Variants in MKLN1 observed in about 807,000 individuals in gnomAD.
The protein encoded by MKLN1 is muskelin.
MKLN1 carries 18 observed loss-of-function variants against 99.0 expected under a neutral mutation model. That is an observed-to-expected ratio of 0.18 (90% CI 0.13 to 0.27). The LOEUF is 0.27. Ranked by LOEUF, MKLN1 falls within the 10% of genes least tolerant of loss-of-function variation. The probability of loss-of-function intolerance (pLI) is 1.00; values close to 1 mark genes in which losing one functional copy is unlikely to be tolerated. For missense variants in MKLN1, 621 were observed against 875.9 expected (o/e 0.71, Z 3.67); for synonymous variants, 288 against 293.2 (o/e 0.98, Z 0.18).
In MKLN1 at chr7:131,116,774, A is replaced by G. The variant is rs966633289; in HGVS notation, c.-419+6567A>G. 6.6e-5 allele frequency among the ~76,000 whole-genome samples: 10 copies of G among 152,258 alleles called. No homozygotes were observed. In the East Asian group the frequency reaches 1.9e-3, roughly 29 times the overall value. ...AATACAATGGATCTTAAAATATGTA[A>G]TAATAAAAGGCATGTGCATCACAAC... On this transcript the variant is annotated intron_variant, in intron 1 of 7. Transcript: ENST00000416992.
At chr7:131,445,465 C>G (rs1007523685) in intron 11 of MKLN1, among the ~76,000 whole-genome samples, 8 of 152,130 alleles carry the variant, frequency 5.3e-5, no homozygotes, top group Non-Finnish European at 7.4e-5. Flanking sequence ...CTCTCACATT[C>G]TCTTTCCCTC....
rs73483203 is a variant in MKLN1 at position 131,127,217 on chromosome 7, T to C, written c.-418-15603T>C. On this transcript the variant is annotated intron_variant, in intron 1 of 7. Coordinates refer to the MKLN1 transcript ENST00000416992. ...GAATAGAAGAAAATGGAATTGTTTTTCACTTAGTTCTGCTGGTATCAACCA... is the reference window on the plus strand; with the variant it reads ...GAATAGAAGAAAATGGAATTGTTTTCCACTTAGTTCTGCTGGTATCAACCA... 2.4e-3 allele frequency among the ~76,000 whole-genome samples: 369 copies of C among 152,058 alleles called. 1 individual carries two copies. Among genetic ancestry groups the C allele is most frequent in the African/African-American group, 8.6e-3 (356 of 41,490 alleles).
chr7:131,111,272 A>T (rs1795193601), intron 1 of MKLN1, among the ~76,000 whole-genome samples: 1 of 152,238 alleles, frequency 6.6e-6, no homozygotes, highest in South Asian at 2.1e-4. Context: ...TTCCGTGGAA[A>T]TCAAACTGCT....
intron 3 of MKLN1, among the ~76,000 whole-genome samples, chr7:131,263,674 C>T (rs962748542): frequency 2.6e-5 from 4 of 151,632 alleles, no homozygotes; most frequent in East Asian, 3.9e-4. Flanking sequence ...CGGGTTCAAG[C>T]GATTCTCCTA....
chr7:131,402,838 T>G (rs757736942), intron 6 of MKLN1, among the ~76,000 whole-genome samples: 2 of 152,216 alleles, frequency 1.3e-5, no homozygotes, highest in African/African-American at 2.4e-5. Flanking sequence ...TAAACCATTC[T>G]GTACACAGAT....
intron 2 of MKLN1, among the ~76,000 whole-genome samples, chr7:131,200,218 C>G (rs987085375): frequency 6.6e-6 from 1 of 152,112 alleles, no homozygotes; most frequent in Non-Finnish European, 1.5e-5. Flanking sequence ...AAACTCCCAC[C>G]CTGAGATTCC....
chr7:131,180,599 C>T (rs910490813), intron 2 of MKLN1, among the ~76,000 whole-genome samples: 3 of 150,978 alleles, frequency 2.0e-5, no homozygotes, highest in East Asian at 1.9e-4. Flanking sequence ...CTCAGGAGAC[C>T]GAGGCAGGAG....
chr7:131,391,962 A>G (rs1794208051), intron 4 of MKLN1, among the ~76,000 whole-genome samples: 1 of 152,204 alleles, frequency 6.6e-6, no homozygotes. Flanking sequence ...GGTTTTAGAT[A>G]AGACCTAGAG....
chr7:131,271,222 T>G (rs1797878934), intron 3 of MKLN1, among the ~76,000 whole-genome samples: 1 of 152,062 alleles, frequency 6.6e-6, no homozygotes, highest in Non-Finnish European at 1.5e-5. Context: ...CAGGGAAGGC[T>G]TCACACAGGA....
At chr7:131,156,798 A>G (rs1249023146) in intron 2 of MKLN1, among the ~76,000 whole-genome samples, 1 of 152,190 alleles carries the variant, frequency 6.6e-6, no homozygotes, top group Non-Finnish European at 1.5e-5. Flanking sequence ...GCACCTGTAC[A>G]CAGCATCTGA....
chr7:131,119,485 C>T (rs1250928354), intron 1 of MKLN1, among the ~76,000 whole-genome samples: 1 of 152,230 alleles, frequency 6.6e-6, no homozygotes, highest in African/African-American at 2.4e-5. Flanking sequence ...CCTTTTCTTA[C>T]AGCTCCATTA....
intron 2 of MKLN1, among the ~76,000 whole-genome samples, chr7:131,143,356 C>T (rs1361210949): frequency 6.6e-6 from 1 of 152,122 alleles, no homozygotes; most frequent in Non-Finnish European, 1.5e-5. Flanking sequence ...AATTCCGCTA[C>T]TTGGGAGGTT....
chr7:131,447,340 G>A (rs1290165724), intron 12 of MKLN1, among the ~76,000 whole-genome samples: 2 of 152,330 alleles, frequency 1.3e-5, no homozygotes, highest in African/African-American at 4.8e-5. Context: ...ATAGGAGAGT[G>A]TAGAGCTATA....
At chr7:131,315,117 C>T (rs943159342) in intron 3 of MKLN1, among the ~76,000 whole-genome samples, 6 of 152,150 alleles carry the variant, frequency 3.9e-5, no homozygotes, top group East Asian at 3.9e-4. Flanking sequence ...AAACACTTTT[C>T]GAGAAGGGGC....
chr7:131,478,546 A>G lies in MKLN1; in HGVS notation c.2032-77A>G, dbSNP rs542022367. On this transcript the variant is annotated intron_variant, in intron 16 of 17. Transcript: ENST00000352689. ...TAGTTGCTGATAAATGGTCAAAGTTATAGAAGGCTATTTTCCTTCAGTGCA... is the reference window on the plus strand; with the variant it reads ...TAGTTGCTGATAAATGGTCAAAGTTGTAGAAGGCTATTTTCCTTCAGTGCA... 20 of 1,396,166 alleles carry G rather than the reference A, an allele frequency of 1.4e-5. No individual in the cohort carries two copies. The South Asian group carries it at 1.6e-4, about 11-fold the overall frequency. The allele number at this position is 1,396,166 out of a possible 1,614,324, so 86.5% of individuals were successfully genotyped here. A position where few individuals can be genotyped will look rare whatever the true frequency, so the allele number is the denominator to read the frequency against.
chr7:131,139,067 C>T lies in MKLN1; in HGVS notation c.-418-3753C>T, dbSNP rs1337722471. On this transcript the variant is annotated intron_variant, in intron 1 of 7. Transcript: ENST00000416992. ...TAGTTACCACTAAGGCCTATGTGCA[C>T]CTCATTATCACCCCCAACCAGGCCC... is the stretch of plus-strand genomic sequence containing the variant. Among the ~76,000 whole-genome samples the T allele has an allele frequency of 2.0e-5, 3 of 152,124 alleles. 1 individual carries two copies. In the South Asian group the frequency reaches 6.2e-4, roughly 31 times the overall value.
chr7:131,394,358 G>A (rs562122865), intron 4 of MKLN1, among the ~76,000 whole-genome samples: 1 of 152,154 alleles, frequency 6.6e-6, no homozygotes, highest in East Asian at 1.9e-4. Flanking sequence ...GGACCCAGAA[G>A]TTGGGGCAGG....
At position 131,487,085 on chromosome 7, in the gene MKLN1, ACTTCCAGCTGTCT is replaced by A. The variant is rs1240794219; in HGVS notation, c.2087-520_2087-508del. Among the ~76,000 whole-genome samples, 1 of 152,072 alleles carries A rather than the reference ACTTCCAGCTGTCT, an allele frequency of 6.6e-6. No homozygotes were observed. Among genetic ancestry groups the A allele is most frequent in the Non-Finnish European group, 1.5e-5 (1 of 67,996 alleles). On this transcript the variant is annotated intron_variant, in intron 17 of 17. Coordinates refer to ENST00000352689, the MANE Select transcript of MKLN1 (RefSeq NM_013255.5). The surrounding 1 kb of genome is among the most constrained non-coding windows in gnomAD (Gnocchi z 4.7). ...TGTTACCACTCAGTTCCCTGAGACTACTTCCAGCTGTCTCAGAGACATTAATGATTTTAGACTA... is the reference window on the plus strand; with the variant it reads ...TGTTACCACTCAGTTCCCTGAGACTACAGAGACATTAATGATTTTAGACTA...
At chr7:131,194,067 T>G (rs1227088089) in intron 2 of MKLN1, among the ~76,000 whole-genome samples, 4 of 150,800 alleles carry the variant, frequency 2.7e-5, no homozygotes, top group Non-Finnish European at 5.9e-5. Context: ...CTTGAACTCC[T>G]GGGCTCAAAC....
Sources: gnomAD v4.1 joint callset for allele counts (sites outside exome capture counted in the v4.1 genomes callset) on GRCh38, gnomAD v4.1.1 for gene constraint, Gnocchi (gnomAD v3.1) non-coding constraint, MANE v1.5 for transcripts, NCBI Gene and HGNC (gene_info 2026-07-23, HGNC 2026-07-21) for gene names.